Variants in DENND2C observed in about 807,000 individuals in gnomAD.
DENND2C encodes the protein DENN domain containing 2C.
Under a neutral mutation model 112.4 loss-of-function variants are expected in DENND2C, and 72 were observed. That is an observed-to-expected ratio of 0.64 (90% CI 0.53 to 0.78). The LOEUF (loss-of-function observed/expected upper bound fraction) is 0.78, where lower values mean the gene tolerates loss of function less well. DENND2C is among the 30% of genes least tolerant of loss of function. The probability of loss-of-function intolerance (pLI) is 0.00; values close to 1 mark genes in which losing one functional copy is unlikely to be tolerated. For missense variants in DENND2C, 992 were observed against 1,113.8 expected (o/e 0.89, Z 1.56); for synonymous variants, 329 against 381.6 (o/e 0.86, Z 1.61).
In DENND2C at chr1:114,625,969, A is replaced by C. The variant is rs1266982871; in HGVS notation, c.16T>G (p.Ser6Ala). 3 of 1,608,634 alleles carry C rather than the reference A, an allele frequency of 1.9e-6. No homozygotes were observed. The highest frequency in any genetic ancestry group is 2.5e-6 in the Non-Finnish European group (3 of 1,177,002). Residue 6 changes from serine (S) to alanine (A), a missense_variant, in exon 4 of 21, where the codon TCT (serine) becomes GCT (alanine). Physicochemically the swap from Ser to Ala is moderately conservative, Grantham distance 99. This residue lies in a region of DENND2C where 470 missense variants were observed against 472.7 expected (regional missense o/e 0.99). Transcript: ENST00000393274. MDVGF[S>A]RTTVQTLSRS... ...GACAGTGTCTGAACAGTAGTACGAG[A>C]AAAACCAACATCCATGTTCCCAACT... is the stretch of plus-strand genomic sequence containing the variant.
chr1:114,654,001 ATAAAT>A (rs1657238779), intron 2 of DENND2C, among the ~76,000 whole-genome samples: 1 of 152,234 alleles, frequency 6.6e-6, no homozygotes, highest in South Asian at 2.1e-4. Context: ...GTTGTGTAAT[ATAAAT>A]TAACTTTAAT....
intron 1 of DENND2C, among the ~76,000 whole-genome samples, chr1:114,663,695 T>C (rs887054848): frequency 5.9e-5 from 9 of 152,194 alleles, no homozygotes; most frequent in Non-Finnish European, 8.8e-5. Context: ...AATGGTTGGG[T>C]GGAAAGATCA....
intron 16 of DENND2C, among the ~76,000 whole-genome samples, chr1:114,596,437 TAA>T (rs1202862971): frequency 6.6e-6 from 1 of 152,192 alleles, no homozygotes; most frequent in Non-Finnish European, 1.5e-5. Flanking sequence ...AACAAATTAT[TAA>T]AAGTTTATGA....
chr1:114,589,655 G>T (rs1655132087), intron 18 of DENND2C, among the ~76,000 whole-genome samples: 1 of 151,526 alleles, frequency 6.6e-6, no homozygotes, highest in South Asian at 2.1e-4. Flanking sequence ...ACCACACCCA[G>T]CCCCAACACT....
rs1221336039 is a variant in DENND2C at position 114,625,209 on chromosome 1, T to C, written c.776A>G (p.Tyr259Cys). The change falls in exon 4 of 21, where the codon TAT (tyrosine) becomes TGT (cysteine). Residue 259 changes from tyrosine to cysteine, a missense_variant. Around this residue, in one of 3 missense-constraint regions of DENND2C, gnomAD observed 470 missense variants for 472.7 expected, o/e 0.99. Coordinates refer to ENST00000393274, the MANE Select transcript of DENND2C (RefSeq NM_001256404.2). ...ASSQEPEPKK[Y>C]GGKIRGRSKR... ...AGATCTTCCTCTGATTTTTCCACCA[T>C]ATTTCTTTGGTTCAGGTTCCTGAGA... 6.2e-7 allele frequency: 1 copy of C among 1,610,240 alleles called. No homozygotes were observed. The highest frequency in any genetic ancestry group is 1.7e-5 in the Admixed American group (1 of 58,646).
intron 3 of DENND2C, among the ~76,000 whole-genome samples, chr1:114,644,932 A>G (rs1314334516): frequency 6.6e-6 from 1 of 152,242 alleles, no homozygotes; most frequent in Non-Finnish European, 1.5e-5. Context: ...TAATAATATC[A>G]TGAACATTAT....
intron 4 of DENND2C, among the ~76,000 whole-genome samples, chr1:114,624,695 C>A (rs1656281919): frequency 6.6e-6 from 1 of 150,920 alleles, no homozygotes; most frequent in African/African-American, 2.4e-5. Flanking sequence ...GATCTCAGCT[C>A]ACTGCAAGCT....
chr1:114,585,535 C>A lies in DENND2C; in HGVS notation c.*65G>T. 6.4e-7 allele frequency: 1 copy of A among 1,557,318 alleles called. No homozygotes were observed. Among genetic ancestry groups the A allele is most frequent in the Non-Finnish European group, 8.8e-7 (1 of 1,131,012 alleles). Reference sequence around the variant, plus strand: ...TGTAGAATACTTCATGGGATCCTGACCCTTAGAAAAATATTTTCTTTGGCA... The same window carrying A: ...TGTAGAATACTTCATGGGATCCTGAACCTTAGAAAAATATTTTCTTTGGCA... On this transcript the variant is annotated 3_prime_UTR_variant, in exon 21 of 21. Coordinates refer to ENST00000393274, the MANE Select transcript of DENND2C (RefSeq NM_001256404.2).
intron 10 of DENND2C, among the ~76,000 whole-genome samples, chr1:114,607,784 T>C (rs762710363): frequency 2.0e-5 from 3 of 152,348 alleles, no homozygotes; most frequent in East Asian, 1.9e-4. Flanking sequence ...CTACCATTTA[T>C]TGAGTACATA....
At chr1:114,598,595 A>G (rs1256315143) in intron 16 of DENND2C, among the ~76,000 whole-genome samples, 1 of 152,154 alleles carries the variant, frequency 6.6e-6, no homozygotes, top group Non-Finnish European at 1.5e-5. Context: ...TTGTGGTAAT[A>G]TTTCCATTCC....
At chr1:114,656,499 C>T (rs1316530114) in intron 1 of DENND2C, among the ~76,000 whole-genome samples, 1 of 150,986 alleles carries the variant, frequency 6.6e-6, no homozygotes, top group Non-Finnish European at 1.5e-5. Context: ...TGGGATCAAG[C>T]GATTCTCCTG....
chr1:114,604,425 T>C (rs903060768), intron 11 of DENND2C, among the ~76,000 whole-genome samples: 17 of 152,340 alleles, frequency 1.1e-4, no homozygotes, highest in African/African-American at 4.1e-4. Context: ...AATCCTTTAA[T>C]AACTTCCTTT....
At chr1:114,642,792 A>G (rs559589724) in intron 3 of DENND2C, among the ~76,000 whole-genome samples, 1 of 152,346 alleles carries the variant, frequency 6.6e-6, no homozygotes, top group East Asian at 1.9e-4. Flanking sequence ...TATCAGATAA[A>G]GTAAATAAAA....
At chr1:114,663,203 C>T (rs1657547599) in intron 1 of DENND2C, among the ~76,000 whole-genome samples, 1 of 152,100 alleles carries the variant, frequency 6.6e-6, no homozygotes, top group Non-Finnish European at 1.5e-5. Context: ...AATAAAATTC[C>T]ATCCTGTCCA....
intron 11 of DENND2C, among the ~76,000 whole-genome samples, chr1:114,602,529 T>C (rs1297158044): frequency 6.6e-6 from 1 of 152,208 alleles, no homozygotes; most frequent in Non-Finnish European, 1.5e-5. Context: ...TTCTTATTCA[T>C]CCACTCTAGG....
At position 114,600,577 on chromosome 1, in the gene DENND2C, C is replaced by T. The variant is rs1655473484; in HGVS notation, c.1957-225G>A. On this transcript the variant is annotated intron_variant, in intron 14 of 20. Coordinates refer to ENST00000393274, the MANE Select transcript of DENND2C (RefSeq NM_001256404.2). The stretch of plus-strand genomic sequence containing the variant: ...AATAGTATATACAGTCTTCATTTAT[C>T]ACATGAAATTGTCATTACAAAGGGA... Among the ~76,000 whole-genome samples, 4 of 152,238 alleles carry T rather than the reference C, an allele frequency of 2.6e-5. No individual in the cohort carries two copies. In the South Asian group the frequency reaches 8.3e-4, roughly 32 times the overall value.
Position 114,625,484 on chromosome 1 carries a change from T to C in DENND2C, c.501A>G (p.Glu167=). 6.2e-7 allele frequency: 1 copy of C among 1,614,160 alleles called. No homozygotes were observed. Among genetic ancestry groups the C allele is most frequent in the Non-Finnish European group, 8.5e-7 (1 of 1,180,010 alleles). ...PPDKLLNLAL[E]HCDSSEKELN... Reference sequence around the variant, plus strand: ...GTTCTTTTTCTGAAGAGTCACAATGTTCTAAAGCCAAATTTAAGAGTTTAT... The same window carrying C: ...GTTCTTTTTCTGAAGAGTCACAATGCTCTAAAGCCAAATTTAAGAGTTTAT... Residue 167 remains glutamate (E), a synonymous_variant, in exon 4 of 21, where the codon GAA becomes GAG. Coordinates refer to ENST00000393274, the MANE Select transcript of DENND2C (RefSeq NM_001256404.2).
At chr1:114,592,694 T>C (rs1655227944) in intron 18 of DENND2C, among the ~76,000 whole-genome samples, 1 of 152,150 alleles carries the variant, frequency 6.6e-6, no homozygotes. Flanking sequence ...CACTCCAACC[T>C]GGGTGACAAA....
intron 3 of DENND2C, among the ~76,000 whole-genome samples, chr1:114,642,733 T>C (rs541235945): frequency 4.6e-5 from 7 of 152,296 alleles, no homozygotes; most frequent in Admixed American, 3.3e-4. Context: ...TTAGCATCCT[T>C]TGGCACAACA....
Sources: gnomAD v4.1 joint callset for allele counts (sites outside exome capture counted in the v4.1 genomes callset) on GRCh38, gnomAD v4.1.1 for gene constraint, gnomAD v4.1.1 regional missense constraint, MANE v1.5 for transcripts, NCBI Gene and HGNC (gene_info 2026-07-23, HGNC 2026-07-21) for gene names.